The following ANKRD30B variants were observed in gnomAD, a reference collection of about 807,000 sequenced individuals.
ANKRD30B encodes the protein ankyrin repeat domain 30B.
A neutral mutation model predicts 202.2 loss-of-function variants in ANKRD30B; 144 were observed. The observed-to-expected ratio is 0.71, with a 90% CI of 0.62 to 0.82. The LOEUF (loss-of-function observed/expected upper bound fraction) is 0.82. Ranked by LOEUF, ANKRD30B falls within the 40% of genes least tolerant of loss-of-function variation. The pLI is 0.00. For missense variants in ANKRD30B, 1,487 were observed against 1,669.1 expected (o/e 0.89, Z 1.90); for synonymous variants, 508 against 561.3 (o/e 0.91, Z 1.34).
chr18:14,752,859 G>A lies in ANKRD30B; in HGVS notation c.357G>A (p.Glu119=). 2 of 1,609,740 alleles carry A rather than the reference G, an allele frequency of 1.2e-6. No homozygotes were observed. The highest frequency in any genetic ancestry group is 1.1e-5 in the South Asian group (1 of 90,536). ...PLMKALQCER[E]ACANILIDAG... is the part of the protein sequence containing the mutation. ...GACAGGCTCTACAATGCGAGAGGGA[G>A]GCTTGTGCAAATATTCTCATAGATG... The change falls in exon 3 of 44, where the codon GAG becomes GAA. Residue 119 remains glutamate (E), a synonymous_variant. Transcript: ENST00000690538.
chr18:14,895,820 AAAACTTT>A, the ANKRD30B span, among the ~76,000 whole-genome samples: 1 of 152,250 alleles, frequency 6.6e-6, no homozygotes, highest in African/African-American at 2.4e-5. Context: ...TGGCAAAGGC[AAAACTTT>A]AGAGATAGTA....
chr18:14,791,946 A>G (rs1239028128), intron 16 of ANKRD30B, among the ~76,000 whole-genome samples: 3 of 152,178 alleles, frequency 2.0e-5, no homozygotes, highest in Non-Finnish European at 4.4e-5. Context: ...AATTACAGCA[A>G]AAATATTCTG....
chr18:14,820,349 T>G (rs1338125292), intron 30 of ANKRD30B, among the ~76,000 whole-genome samples: 6 of 152,202 alleles, frequency 3.9e-5, no homozygotes, highest in Non-Finnish European at 8.8e-5. Context: ...TTAAATACCC[T>G]TTATTTCCTT....
chr18:14,764,261 A>G (rs1409663828), intron 7 of ANKRD30B, among the ~76,000 whole-genome samples, 171 bp downstream of exon 7: 1 of 152,234 alleles, frequency 6.6e-6, no homozygotes, highest in Non-Finnish European at 1.5e-5. Context: ...AGGCCCTGGA[A>G]AAATTCTCAC....
the ANKRD30B span, among the ~76,000 whole-genome samples, chr18:14,895,513 T>C: frequency 1.3e-5 from 2 of 152,168 alleles, no homozygotes; most frequent in Admixed American, 6.5e-5. Context: ...CCAGCAGTCA[T>C]GCCCCCAGGT....
At chr18:14,843,640 G>C (rs868106382) in intron 39 of ANKRD30B, among the ~76,000 whole-genome samples, 1 of 151,798 alleles carries the variant, frequency 6.6e-6, no homozygotes, top group African/African-American at 2.4e-5. Flanking sequence ...GTTTGTGTGT[G>C]GTACCCTTAA....
chr18:14,866,512 G>T, the ANKRD30B span, among the ~76,000 whole-genome samples: 1 of 152,120 alleles, frequency 6.6e-6, no homozygotes, highest in African/African-American at 2.4e-5. Context: ...CCAGCTAGAG[G>T]TCTAGGAGAA....
chr18:14,831,181 G>GAAAAAAAAAGA (rs1970910834), intron 33 of ANKRD30B, among the ~76,000 whole-genome samples: 1 of 52,358 alleles, frequency 1.9e-5, no homozygotes, highest in Non-Finnish European at 3.4e-5. Flanking sequence ...CTCCGTCTCG[G>GAAAAAAAAAGA]AAAAAAAAAA....
At chr18:14,819,302 T>G (rs1425423075) in intron 30 of ANKRD30B, among the ~76,000 whole-genome samples, 1 of 151,570 alleles carries the variant, frequency 6.6e-6, no homozygotes, top group Non-Finnish European at 1.5e-5. Context: ...TTTTCTCCCA[T>G]TCTGTAGGTT....
chr18:14,807,836 TTA>T lies in ANKRD30B; in HGVS notation c.2285-714_2285-713del, dbSNP rs751646965. On this transcript the variant is annotated intron_variant, in intron 24 of 43. Transcript: ENST00000690538. The stretch of plus-strand genomic sequence containing the variant: ...CATGAGCCACGGCACCTGGACTGTA[TTA>T]GTTTGTGGATGGGTGTGCTTTGACT... 1.7e-3 allele frequency among the ~76,000 whole-genome samples: 262 copies of T among 151,150 alleles called. 6 individuals are homozygous for T. Among genetic ancestry groups the T allele is most frequent in the Non-Finnish European group, 2.2e-3 (152 of 67,764 alleles).
intron 3 of ANKRD30B, among the ~76,000 whole-genome samples, chr18:14,754,197 G>C (rs959191488): frequency 6.6e-6 from 1 of 152,146 alleles, no homozygotes; most frequent in Non-Finnish European, 1.5e-5. Context: ...AGGAGTGCCT[G>C]ACATTGGCAT....
the ANKRD30B span, among the ~76,000 whole-genome samples, chr18:14,875,187 C>T: frequency 6.6e-6 from 1 of 152,134 alleles, no homozygotes; most frequent in South Asian, 2.1e-4. Context: ...CTCCACTAGC[C>T]AAGAGCAAAT....
chr18:14,833,248 CT>C (rs1250124170), intron 34 of ANKRD30B, among the ~76,000 whole-genome samples: 10 of 142,530 alleles, frequency 7.0e-5, no homozygotes, highest in Non-Finnish European at 9.3e-5. Flanking sequence ...AACTCATGTT[CT>C]TTTTTTTTTC....
chr18:14,919,563 C>T, the ANKRD30B span, among the ~76,000 whole-genome samples: 1 of 152,186 alleles, frequency 6.6e-6, no homozygotes, highest in Non-Finnish European at 1.5e-5. Context: ...AGTCAGCTGG[C>T]CCACAATCAC....
At chr18:14,788,012 C>A (rs1043749812) in intron 15 of ANKRD30B, among the ~76,000 whole-genome samples, 2 of 152,144 alleles carry the variant, frequency 1.3e-5, no homozygotes, top group Non-Finnish European at 2.9e-5. Flanking sequence ...AAACATGTTG[C>A]TTATTTTAAG....
At chr18:14,922,515 C>T in the ANKRD30B span, among the ~76,000 whole-genome samples, 17 of 151,996 alleles carry the variant, frequency 1.1e-4, 1 homozygote, top group East Asian at 2.7e-3. Flanking sequence ...ATTAGCCGGG[C>T]GTGGTGGCAG....
intron 9 of ANKRD30B, among the ~76,000 whole-genome samples, chr18:14,773,571 T>C (rs567827919): frequency 3.3e-4 from 50 of 152,268 alleles, no homozygotes; most frequent in African/African-American, 1.2e-3. Context: ...ATCAGAGATA[T>C]GTAGTAAATA....
chr18:14,897,654 A>G, the ANKRD30B span, among the ~76,000 whole-genome samples: 1 of 152,202 alleles, frequency 6.6e-6, no homozygotes, highest in African/African-American at 2.4e-5. Flanking sequence ...TTCAAATTTT[A>G]CTGTCACTAT....
chr18:14,777,925 C>A, intron 9 of ANKRD30B, 60 bp from the exon 10 acceptor site: 1 of 1,234,798 alleles, frequency 8.1e-7, no homozygotes, highest in Admixed American at 2.2e-5. Flanking sequence ...TGTGAGACTT[C>A]ATCTCAAAAA....
Sources: gnomAD v4.1 joint callset for allele counts (sites outside exome capture counted in the v4.1 genomes callset) on GRCh38, gnomAD v4.1.1 for gene constraint, MANE v1.5 for transcripts, NCBI Gene and HGNC (gene_info 2026-07-23, HGNC 2026-07-21) for gene names.